The following CABIN1 variants were observed in gnomAD, a reference collection of about 807,000 sequenced individuals.
CABIN1 encodes calcineurin binding protein 1.
CABIN1 carries 133 observed loss-of-function variants against 227.7 expected under a neutral mutation model. The ratio of observed to expected loss-of-function variants is 0.58; its 90% CI spans 0.51 to 0.67. The LOEUF (loss-of-function observed/expected upper bound fraction) is 0.67. CABIN1 is among the 30% of genes least tolerant of loss of function. The probability of loss-of-function intolerance (pLI) is 0.00; values close to 1 mark genes in which losing one functional copy is unlikely to be tolerated. For synonymous variants in CABIN1, 1,086 were observed against 1,155.1 expected, an observed-to-expected ratio of 0.94 and a Z score of 1.21; for missense variants, 2,408 against 2,852.5, an observed-to-expected ratio of 0.84 and a Z score of 3.55.
intron 29 of CABIN1, among the ~76,000 whole-genome samples, chr22:24,163,072 G>A (rs1602433249): frequency 6.6e-6 from 1 of 152,230 alleles, no homozygotes; most frequent in African/African-American, 2.4e-5. Flanking sequence ...GTAGGAAGAT[G>A]CAGCATTGAT....
At chr22:24,141,832 A>G (rs2044780908) in intron 29 of CABIN1, among the ~76,000 whole-genome samples, 2 of 152,128 alleles carry the variant, frequency 1.3e-5, no homozygotes, top group African/African-American at 4.8e-5. Flanking sequence ...AACTGATGGG[A>G]GGTACAGTCA....
intron 29 of CABIN1, among the ~76,000 whole-genome samples, chr22:24,163,884 G>A (rs1314588991): frequency 6.6e-6 from 1 of 152,228 alleles, no homozygotes; most frequent in Non-Finnish European, 1.5e-5. Flanking sequence ...GGCAAGAAGT[G>A]GGAAGAGGGA....
Position 24,064,143 on chromosome 22 carries a change from C to A in CABIN1, c.1993C>A (p.Arg665=), listed in dbSNP as rs138795791. The change falls in exon 15 of 37, where the codon CGG becomes AGG. Residue 665 remains arginine (R), a synonymous_variant. Transcript: ENST00000263119. ...AGAERRDIVI[R]LPNLHNDSVV... ...GGCTGAACGAAGAGACATTGTCATC[C>A]GGCTGCCCAACCTCCATAATGACTC... is the stretch of plus-strand genomic sequence containing the variant. The A allele has an allele frequency of 6.2e-7, 1 of 1,614,202 alleles. No homozygotes were observed. The highest frequency in any genetic ancestry group is 8.5e-7 in the Non-Finnish European group (1 of 1,180,032).
chr22:24,113,550 C>T lies in CABIN1; in HGVS notation c.4118-16C>T. ...AGGTTAATGCTCTCGCCCTCTCTTC[C>T]TCCTTCTCCCCTCAGACCGAAGCCA... On this transcript the variant is annotated splice_polypyrimidine_tract_variant and intron_variant, in intron 26 of 36. Transcript: ENST00000263119. 6.2e-7 allele frequency: 1 copy of T among 1,613,504 alleles called. No homozygotes were observed. The highest frequency in any genetic ancestry group is 8.5e-7 in the Non-Finnish European group (1 of 1,179,678).
At chr22:24,120,800 G>A (rs2043366106) in intron 28 of CABIN1, among the ~76,000 whole-genome samples, 1 of 152,200 alleles carries the variant, frequency 6.6e-6, no homozygotes, top group Non-Finnish European at 1.5e-5. Flanking sequence ...GCAACAGAGC[G>A]AGACTCATCT....
At chr22:24,102,903 A>T (rs902380600) in intron 26 of CABIN1, 2 of 152,384 alleles carry the variant, frequency 1.3e-5, no homozygotes, top group African/African-American at 4.8e-5. Context: ...CATTGTGGCC[A>T]TCCATCCTCA....
chr22:24,119,565 G>C lies in CABIN1; in HGVS notation c.4499G>C (p.Gly1500Ala). ...PVAFPQGLPA[G>A]AEEQRQFLTE... ...GCCTTCCCCCAGGGGCTGCCGGCTG[G>C]TGCTGAGGAGCAGCGGCAGTTTCTC... is the stretch of plus-strand genomic sequence containing the variant. The change falls in exon 28 of 37, where the codon GGT becomes GCT. Residue 1500 changes from glycine to alanine, a missense_variant. Coordinates refer to ENST00000263119, the MANE Select transcript of CABIN1 (RefSeq NM_012295.4). 1 of 1,613,606 alleles carries C rather than the reference G, an allele frequency of 6.2e-7. No individual in the cohort carries two copies. Among genetic ancestry groups the C allele is most frequent in the South Asian group, 1.1e-5 (1 of 91,082 alleles).
intron 10 of CABIN1, among the ~76,000 whole-genome samples, chr22:24,057,753 T>C (rs1311649387): frequency 6.6e-6 from 1 of 152,234 alleles, no homozygotes. Context: ...AAATAATGAT[T>C]GTTCTCAGTA....
chr22:24,167,346 T>C, intron 32 of CABIN1, 33 bp downstream of exon 32: 1 of 1,590,440 alleles, frequency 6.3e-7, no homozygotes, highest in Non-Finnish European at 8.6e-7. Context: ...GGGGCACTAG[T>C]CTGCTGGCAG....
At chr22:24,083,101 G>A (rs540318895) in intron 19 of CABIN1, 127 bp from the exon 20 acceptor site, 3 of 913,654 alleles carry the variant, frequency 3.3e-6, no homozygotes, top group East Asian at 5.1e-5. Context: ...TCATGCAGGA[G>A]CCCAACAGAC....
intron 1 of CABIN1, among the ~76,000 whole-genome samples, chr22:24,032,399 G>A (rs2036559605): frequency 6.6e-6 from 1 of 152,180 alleles, no homozygotes; most frequent in African/African-American, 2.4e-5. Flanking sequence ...TTGGACACTT[G>A]GGTTGCTTCT....
intron 16 of CABIN1, 36 bp downstream of exon 16, chr22:24,067,217 C>T: frequency 6.3e-7 from 1 of 1,597,992 alleles, no homozygotes; most frequent in Non-Finnish European, 8.6e-7. Flanking sequence ...CCCACTTGCA[C>T]CTTCTCTCCT....
intron 20 of CABIN1, among the ~76,000 whole-genome samples, chr22:24,083,754 C>T (rs968586682): frequency 6.6e-6 from 1 of 152,014 alleles, no homozygotes; most frequent in Non-Finnish European, 1.5e-5. Flanking sequence ...GAGCAAGGCC[C>T]CATCTCTAAA....
At chr22:24,031,824 C>T (rs2036520974) in intron 1 of CABIN1, among the ~76,000 whole-genome samples, 1 of 152,228 alleles carries the variant, frequency 6.6e-6, no homozygotes, top group Admixed American at 6.5e-5. Flanking sequence ...GCTTGAGCTG[C>T]AGGTCTGGCC....
chr22:24,056,106 T>A (rs1427199961), intron 9 of CABIN1, 86 bp from the exon 10 acceptor site: 1 of 1,157,042 alleles, frequency 8.6e-7, no homozygotes, highest in Non-Finnish European at 1.3e-6. Flanking sequence ...AGTAGATTTA[T>A]AAAAGAGGGA....
chr22:24,147,311 CCCTCCCTCCCTCCCTCCTCT>C (rs1257549457), intron 29 of CABIN1, among the ~76,000 whole-genome samples: 3 of 107,448 alleles, frequency 2.8e-5, no homozygotes, highest in South Asian at 4.7e-4. Context: ...CTCTCTGCCT[CCCTCCCTCCCTCCCTCCTCT>C]CCTCCCTCCC....
chr22:24,060,190 G>C lies in CABIN1; in HGVS notation c.1617+49G>C, dbSNP rs771303581. The C allele has an allele frequency of 7.8e-6, 12 of 1,538,692 alleles. No individual in the cohort carries two copies. In the East Asian group the frequency reaches 2.5e-4, roughly 32 times the overall value. ...TGGTATTGAACTGGGACCAGGGCAT[G>C]GGGACAGGGATCTTGCATGGGTGTG... On this transcript the variant is annotated intron_variant, in intron 12 of 36. Coordinates refer to ENST00000263119, the MANE Select transcript of CABIN1 (RefSeq NM_012295.4).
chr22:24,119,315 T>C (rs2043264040), intron 27 of CABIN1, 52 bp from the exon 28 acceptor site: 9 of 1,508,412 alleles, frequency 6.0e-6, no homozygotes, highest in Non-Finnish European at 8.2e-6. Context: ...GACCACTGCA[T>C]GGACAGGGCC....
chr22:24,059,163 A>C, intron 10 of CABIN1, 64 bp from the exon 11 acceptor site: 4 of 1,598,712 alleles, frequency 2.5e-6, no homozygotes, highest in Non-Finnish European at 3.4e-6. Flanking sequence ...TCTAACAGGA[A>C]GAGTTCAGAT....
Sources: gnomAD v4.1 joint callset for allele counts (sites outside exome capture counted in the v4.1 genomes callset) on GRCh38, gnomAD v4.1.1 for gene constraint, MANE v1.5 for transcripts, NCBI Gene and HGNC (gene_info 2026-07-23, HGNC 2026-07-21) for gene names.